MAPK10: variants seen among roughly 807,000 people sequenced by gnomAD.
The protein encoded by MAPK10 is mitogen-activated protein kinase 10, also known as JNK3 alpha protein kinase.
A neutral mutation model predicts 59.3 loss-of-function variants in MAPK10; 25 were observed. The observed-to-expected ratio is 0.42, with a 90% CI of 0.31 to 0.59. MAPK10 has a LOEUF of 0.59. Among genes scored for constraint, MAPK10 ranks in the 20% least tolerant of loss-of-function variants. The pLI is 0.15. For synonymous variants in MAPK10, 190 were observed against 200.5 expected (o/e 0.95, Z 0.44); for missense variants, 351 against 568.9 (o/e 0.62, Z 3.90).
chr4:86,287,141 T>C (rs967582307), intron 2 of MAPK10, among the ~76,000 whole-genome samples: 7 of 152,120 alleles, frequency 4.6e-5, no homozygotes, highest in East Asian at 1.9e-4. Flanking sequence ...AAGAGGATCA[T>C]GAAAAAAGGC....
At chr4:86,503,469 A>G (rs951652592) in intron 1 of MAPK10, among the ~76,000 whole-genome samples, 2 of 152,114 alleles carry the variant, frequency 1.3e-5, no homozygotes, top group African/African-American at 4.8e-5. Flanking sequence ...CACTGATGGT[A>G]TCACTTTCCT....
chr4:86,378,550 A>G (rs769100810), intron 1 of MAPK10, among the ~76,000 whole-genome samples: 6 of 152,220 alleles, frequency 3.9e-5, no homozygotes, highest in African/African-American at 7.2e-5. Context: ...ATGTGTGAGG[A>G]TGAGGATGAT....
intron 2 of MAPK10, among the ~76,000 whole-genome samples, chr4:86,239,212 G>C (rs937521108): frequency 6.6e-6 from 1 of 152,152 alleles, no homozygotes; most frequent in African/African-American, 2.4e-5. Context: ...TGATCATGGT[G>C]GATAAGCTTT....
chr4:86,381,199 G>A (rs1010580644), intron 1 of MAPK10, among the ~76,000 whole-genome samples: 1 of 152,196 alleles, frequency 6.6e-6, no homozygotes, highest in Non-Finnish European at 1.5e-5. Context: ...CCTGAAAGAA[G>A]CTGTTTGCCC....
At chr4:86,101,010 T>A in intron 8 of MAPK10, 42 bp downstream of exon 8, 1 of 1,584,810 alleles carries the variant, frequency 6.3e-7, no homozygotes, top group South Asian at 1.1e-5. Context: ...GTGCACCCGT[T>A]TCATTCATGG....
chr4:86,310,837 G>A (rs1021769167), intron 2 of MAPK10, among the ~76,000 whole-genome samples: 6 of 151,820 alleles, frequency 4.0e-5, no homozygotes, highest in Non-Finnish European at 8.8e-5. Context: ...TCCTGCTGTG[G>A]AATGTTTTTC....
chr4:86,309,749 A>C (rs1010205984), intron 2 of MAPK10, among the ~76,000 whole-genome samples: 3 of 152,206 alleles, frequency 2.0e-5, no homozygotes, highest in African/African-American at 7.2e-5. Flanking sequence ...TGAACTGTTA[A>C]GAAGAATCAG....
intron 2 of MAPK10, among the ~76,000 whole-genome samples, chr4:86,291,312 A>G (rs1338137977): frequency 6.6e-6 from 1 of 152,218 alleles, no homozygotes; most frequent in Non-Finnish European, 1.5e-5. Context: ...GTGTAATACC[A>G]GTACAGCACT....
At chr4:86,291,560 T>C (rs908990802) in intron 2 of MAPK10, among the ~76,000 whole-genome samples, 1 of 152,194 alleles carries the variant, frequency 6.6e-6, no homozygotes, top group Non-Finnish European at 1.5e-5. Flanking sequence ...GAAATGCATA[T>C]AGCTTTGGCA....
intron 1 of MAPK10, among the ~76,000 whole-genome samples, chr4:86,496,676 C>T (rs191257184): frequency 7.7e-4 from 117 of 152,214 alleles, no homozygotes; most frequent in Admixed American, 1.5e-3. Flanking sequence ...CCCCAACTCC[C>T]TTACAAATTA....
intron 2 of MAPK10, chr4:86,340,335 TCA>T (rs1724165642): frequency 6.5e-6 from 1 of 153,288 alleles, no homozygotes; most frequent in African/African-American, 2.4e-5. Context: ...TTTAATTGAC[TCA>T]CAGTTCATCA....
At chr4:86,251,061 A>C (rs2093390102) in intron 2 of MAPK10, among the ~76,000 whole-genome samples, 1 of 152,170 alleles carries the variant, frequency 6.6e-6, no homozygotes, top group Non-Finnish European at 1.5e-5. Flanking sequence ...TTGTTCCCAC[A>C]TTAGAAGCCT....
chr4:86,310,409 C>T (rs2095646133), intron 2 of MAPK10, among the ~76,000 whole-genome samples: 1 of 152,192 alleles, frequency 6.6e-6, no homozygotes, highest in Non-Finnish European at 1.5e-5. Context: ...TTGCAATGCC[C>T]TCTATTTTGG....
chr4:86,382,279 T>A (rs1740840426), intron 1 of MAPK10, among the ~76,000 whole-genome samples: 1 of 151,854 alleles, frequency 6.6e-6, no homozygotes, highest in Admixed American at 6.6e-5. Context: ...GAGGCATAAC[T>A]CCTTACCCCA....
At chr4:86,532,091 T>TATAC (rs1358924553) in intron 1 of MAPK10, among the ~76,000 whole-genome samples, 6 of 147,788 alleles carry the variant, frequency 4.1e-5, no homozygotes, top group Admixed American at 6.8e-5. Context: ...TACATATATA[T>TATAC]ATACATACAT....
At chr4:86,353,355 A>G (rs550267308) in intron 2 of MAPK10, among the ~76,000 whole-genome samples, 2 of 152,318 alleles carry the variant, frequency 1.3e-5, no homozygotes, top group South Asian at 2.1e-4. Context: ...CAGATTCTCA[A>G]TAAGAGTTTG....
intron 13 of MAPK10, among the ~76,000 whole-genome samples, chr4:86,018,329 A>G (rs1327213745): frequency 2.0e-5 from 3 of 150,030 alleles, no homozygotes; most frequent in Admixed American, 6.6e-5. Flanking sequence ...CCAGTAGGAC[A>G]TAAGTAGGAC....
intron 1 of MAPK10, among the ~76,000 whole-genome samples, chr4:86,434,142 A>T (rs1410900917): frequency 1.3e-5 from 2 of 152,174 alleles, no homozygotes; most frequent in Non-Finnish European, 2.9e-5. Flanking sequence ...TGCAGTGGGG[A>T]AAGGACAGTC....
intron 4 of MAPK10, among the ~76,000 whole-genome samples, chr4:86,150,040 G>A (rs941421374): frequency 1.3e-5 from 2 of 152,214 alleles, no homozygotes; most frequent in Admixed American, 6.5e-5. Context: ...TTGCAAAGAT[G>A]TGGAACCAAC....
Sources: allele counts gnomAD v4.1 joint callset (sites outside exome capture counted in the v4.1 genomes callset), GRCh38; gene constraint gnomAD v4.1.1; transcripts MANE v1.5; gene names NCBI Gene and HGNC (gene_info 2026-07-23, HGNC 2026-07-21).